Variants in GALNT2 observed in about 807,000 individuals in gnomAD.
GALNT2 encodes polypeptide N-acetylgalactosaminyltransferase 2.
GALNT2 carries 31 observed loss-of-function variants against 81.4 expected under a neutral mutation model. That is an observed-to-expected ratio of 0.38 (90% CI 0.29 to 0.51). GALNT2 has a LOEUF of 0.51. GALNT2 is among the 20% of genes least tolerant of loss of function. GALNT2 has a pLI of 0.87. For synonymous variants in GALNT2, 303 were observed against 287.4 expected, an observed-to-expected ratio of 1.05 and a Z score of -0.55; for missense variants, 629 against 765.7, an observed-to-expected ratio of 0.82 and a Z score of 2.11.
At chr1:230,104,767 T>C (rs985427060) in intron 1 of GALNT2, among the ~76,000 whole-genome samples, 3 of 152,220 alleles carry the variant, frequency 2.0e-5, no homozygotes, top group East Asian at 1.9e-4. Flanking sequence ...TGCTGGCTCA[T>C]GTGCCTGAGT....
intron 3 of GALNT2, among the ~76,000 whole-genome samples, chr1:230,225,327 A>C (rs912916170): frequency 3.3e-5 from 5 of 152,188 alleles, no homozygotes; most frequent in African/African-American, 1.2e-4. Flanking sequence ...CATCTTGAAA[A>C]TGTGAAGCTG....
chr1:230,220,594 G>A (rs1664517266), intron 3 of GALNT2, among the ~76,000 whole-genome samples: 1 of 152,070 alleles, frequency 6.6e-6, no homozygotes, highest in African/African-American at 2.4e-5. Context: ...TGGGTGGGCT[G>A]AACTAGATCT....
intron 1 of GALNT2, among the ~76,000 whole-genome samples, chr1:230,131,021 T>G (rs1226933904): frequency 1.3e-5 from 2 of 151,924 alleles, no homozygotes; most frequent in Non-Finnish European, 2.9e-5. Context: ...AAAATTTAAG[T>G]ATTAAAAAAA....
intron 3 of GALNT2, among the ~76,000 whole-genome samples, chr1:230,233,545 G>A (rs373046150): frequency 7.1e-4 from 108 of 152,254 alleles, no homozygotes; most frequent in African/African-American, 2.1e-3. Context: ...CCCGGGAGGC[G>A]GAGGTTGCAA....
Position 230,139,798 on chromosome 1 carries a change from A to T in GALNT2, c.127-38420A>T, listed in dbSNP as rs144176096. Among the ~76,000 whole-genome samples, 1,081 of 152,370 alleles carry T rather than the reference A, an allele frequency of 7.1e-3. 12 individuals carry two copies. The highest frequency in any genetic ancestry group is 0.03 in the South Asian group (146 of 4,832). ...AGGAAATCCAGTTTCGTTCCCACCT[A>T]TGAAGATTACTCAGGTTTATGGAGA... On this transcript the variant is annotated intron_variant, in intron 1 of 15. Coordinates refer to ENST00000366672, the MANE Select transcript of GALNT2 (RefSeq NM_004481.5).
At chr1:230,169,236 A>G (rs1212516680) in intron 1 of GALNT2, among the ~76,000 whole-genome samples, 1 of 152,216 alleles carries the variant, frequency 6.6e-6, no homozygotes, top group Non-Finnish European at 1.5e-5. Context: ...AGATTGGAAG[A>G]AGGCAAGTTT....
chr1:230,097,826 A>G lies in GALNT2; in HGVS notation c.126+30420A>G, dbSNP rs547827940. ...AATTATGGTAACACGCACCAAATGT[A>G]CATTATATTTTTAATTGCTTGGCAA... On this transcript the variant is annotated intron_variant, in intron 1 of 15. Transcript: ENST00000366672. Among the ~76,000 whole-genome samples, 5 of 152,366 alleles carry G rather than the reference A, an allele frequency of 3.3e-5. No individual in the cohort carries two copies. In the South Asian group the frequency reaches 1.0e-3, roughly 32 times the overall value.
At chr1:230,189,282 C>A (rs1663440458) in intron 2 of GALNT2, among the ~76,000 whole-genome samples, 1 of 152,052 alleles carries the variant, frequency 6.6e-6, no homozygotes, top group Admixed American at 6.5e-5. Context: ...CTCCTTGAGC[C>A]CCCTCCCCAT....
At chr1:230,122,614 C>G (rs1661052024) in intron 1 of GALNT2, among the ~76,000 whole-genome samples, 1 of 150,806 alleles carries the variant, frequency 6.6e-6, no homozygotes, top group Non-Finnish European at 1.5e-5. Flanking sequence ...AAGGGTGGCT[C>G]TGTGTGTGTG....
intron 3 of GALNT2, among the ~76,000 whole-genome samples, chr1:230,216,963 T>C (rs1664408900): frequency 6.6e-6 from 1 of 152,184 alleles, no homozygotes; most frequent in East Asian, 1.9e-4. Flanking sequence ...GATTTAAAGT[T>C]TTATATTCAC....
chr1:230,205,149 G>A (rs1385482638), intron 3 of GALNT2, among the ~76,000 whole-genome samples: 4 of 152,138 alleles, frequency 2.6e-5, no homozygotes, highest in African/African-American at 9.7e-5. Context: ...GAGACAAATG[G>A]CCAGTGAAAC....
chr1:230,165,581 T>TAC (rs1662576961), intron 1 of GALNT2, among the ~76,000 whole-genome samples: 1 of 152,262 alleles, frequency 6.6e-6, no homozygotes, highest in Non-Finnish European at 1.5e-5. Flanking sequence ...AGGTTTAATT[T>TAC]ACACTGTGTC....
intron 1 of GALNT2, among the ~76,000 whole-genome samples, chr1:230,126,381 G>A (rs1167494531): frequency 6.6e-6 from 1 of 152,200 alleles, no homozygotes; most frequent in Non-Finnish European, 1.5e-5. Context: ...CCGCTGGGGT[G>A]CTCTGAGAGG....
intron 1 of GALNT2, among the ~76,000 whole-genome samples, chr1:230,085,874 A>C (rs1229863531): frequency 6.6e-6 from 1 of 151,878 alleles, no homozygotes; most frequent in African/African-American, 2.4e-5. Context: ...GGGGTGAAGG[A>C]TGTTTGACAG....
At chr1:230,162,099 G>T (rs965650085) in intron 1 of GALNT2, among the ~76,000 whole-genome samples, 1 of 152,174 alleles carries the variant, frequency 6.6e-6, no homozygotes, top group African/African-American at 2.4e-5. Flanking sequence ...TTATAGTACT[G>T]TTGAACAAGC....
chr1:230,084,818 C>T (rs919512052), intron 1 of GALNT2, among the ~76,000 whole-genome samples: 3 of 152,190 alleles, frequency 2.0e-5, no homozygotes, highest in Non-Finnish European at 4.4e-5. Context: ...TGTGGTTTGG[C>T]AGCATGCTTG....
At chr1:230,101,992 GT>G (rs1267795486) in intron 1 of GALNT2, among the ~76,000 whole-genome samples, 2 of 152,176 alleles carry the variant, frequency 1.3e-5, no homozygotes, top group Non-Finnish European at 2.9e-5. Context: ...TCTCCTCTTT[GT>G]TTTCCGAATG....
At chr1:230,115,338 C>T (rs1272726636) in intron 1 of GALNT2, among the ~76,000 whole-genome samples, 6 of 152,086 alleles carry the variant, frequency 3.9e-5, no homozygotes, top group Non-Finnish European at 8.8e-5. Flanking sequence ...TACAGACACA[C>T]GTCTGAGAAA....
intron 6 of GALNT2, among the ~76,000 whole-genome samples, chr1:230,240,428 C>A (rs1665164776): frequency 1.3e-5 from 2 of 152,170 alleles, no homozygotes; most frequent in Non-Finnish European, 2.9e-5. Context: ...CCCGTCTTTA[C>A]TAAAAATACG....
Sources: gnomAD v4.1 joint callset for allele counts (sites outside exome capture counted in the v4.1 genomes callset) on GRCh38, gnomAD v4.1.1 for gene constraint, MANE v1.5 for transcripts, NCBI Gene and HGNC (gene_info 2026-07-23, HGNC 2026-07-21) for gene names.